DYNC1H1: variants seen among roughly 807,000 people sequenced by gnomAD.
The protein encoded by DYNC1H1 is dynein cytoplasmic 1 heavy chain 1, also known as cytoplasmic dynein 1 heavy chain 1.
DYNC1H1 carries 51 observed loss-of-function variants against 527.1 expected under a neutral mutation model. The observed-to-expected ratio is 0.10, with a 90% CI of 0.08 to 0.12. DYNC1H1 has a LOEUF of 0.12. Ranked by LOEUF, DYNC1H1 falls within the 10% of genes least tolerant of loss-of-function variation. DYNC1H1 has a pLI of 1.00. For synonymous variants in DYNC1H1, 2,189 were observed against 2,278.8 expected (o/e 0.96, Z 1.12); for missense variants, 2,771 against 5,971.8 (o/e 0.46, Z 17.66).
chr14:102,040,321 G>C lies in DYNC1H1; in HGVS notation c.11776G>C (p.Gly3926Arg), dbSNP rs879254035. 1.7e-5 allele frequency: 27 copies of C among 1,614,052 alleles called. No homozygotes were observed. The highest frequency in any genetic ancestry group is 2.2e-5 in the Non-Finnish European group (26 of 1,180,056). The change falls in exon 63 of 78, where the codon GGC (glycine) becomes CGC (arginine). Residue 3926 changes from glycine to arginine, a missense_variant. By Grantham distance (125) the Gly-to-Arg change is moderately radical (BLOSUM62 -2). Coordinates refer to ENST00000360184, the MANE Select transcript of DYNC1H1 (RefSeq NM_001376.5). ...LSAGSTPRIQ[G>R]LTVEQAEAVV... Reference sequence around the variant, plus strand: ...TGCTGGCTCCACCCCCAGGATCCAGGGCCTGACTGTGGAGCAGGCGGAGGC... The same window carrying C: ...TGCTGGCTCCACCCCCAGGATCCAGCGCCTGACTGTGGAGCAGGCGGAGGC...
rs1025955459 is a variant in DYNC1H1 at position 101,985,553 on chromosome 14, T to G, written c.1462-134T>G. 2 of 875,930 alleles carry G rather than the reference T, an allele frequency of 2.3e-6. No homozygotes were observed. The highest frequency in any genetic ancestry group is 3.3e-5 in the African/African-American group (2 of 60,122). The allele number at this position is 875,930 out of a possible 1,614,324, so 54.3% of individuals were successfully genotyped here. A position where few individuals can be genotyped will look rare whatever the true frequency, so the allele number is the denominator to read the frequency against. On this transcript the variant is annotated intron_variant, in intron 7 of 77. Coordinates refer to ENST00000360184, the MANE Select transcript of DYNC1H1 (RefSeq NM_001376.5). This position sits in a 1 kb window ranked among gnomAD's most constrained non-coding sequence, Gnocchi z 5.9. ...GTTGGCCAGGCTGGTCTCGAACTCC[T>G]GACCTCATGATCCGCCTGCCTTGGC...
chr14:102,016,825 G>A lies in DYNC1H1; in HGVS notation c.7674G>A (p.Glu2558=). 6 of 1,614,084 alleles carry A rather than the reference G, an allele frequency of 3.7e-6. No individual in the cohort carries two copies. Among genetic ancestry groups the A allele is most frequent in the Non-Finnish European group, 5.1e-6 (6 of 1,180,026 alleles). ...WQAKVPQIEV[E]THKVAAPDVV... ...CCAAGGTGCCTCAGATTGAAGTGGA[G>A]ACGCACAAGGTGGCAGCCCCTGATG... Residue 2558 remains glutamate, a synonymous_variant, in exon 38 of 78, where the codon GAG becomes GAA. Coordinates refer to ENST00000360184, the MANE Select transcript of DYNC1H1 (RefSeq NM_001376.5). The surrounding 1 kb of genome is among the most constrained non-coding windows in gnomAD (Gnocchi z 7.3).
At position 102,000,089 on chromosome 14, in the gene DYNC1H1, A is replaced by T; in HGVS notation, c.3905A>T (p.Glu1302Val). 6.2e-7 allele frequency: 1 copy of T among 1,614,168 alleles called. No individual in the cohort carries two copies. Among genetic ancestry groups the T allele is most frequent in the Non-Finnish European group, 8.5e-7 (1 of 1,180,036 alleles). ...AGAGAGAAGTGTGCAAAGGCCAAGGAGGCGCTGGAATTGACAGATACTGGG... is the reference window on the plus strand; with the variant it reads ...AGAGAGAAGTGTGCAAAGGCCAAGGTGGCGCTGGAATTGACAGATACTGGG... ...DDREKCAKAK[E>V]ALELTDTGLL... The change falls in exon 17 of 78, where the codon GAG becomes GTG. Residue 1302 changes from glutamate (E) to valine (V), a missense_variant. Glu to Val is a moderately radical substitution (Grantham distance 121, BLOSUM62 -2). Transcript: ENST00000360184.
Position 102,049,415 on chromosome 14 carries a change from T to C in DYNC1H1, c.13373-25T>C. Reference sequence around the variant, plus strand: ...GGGGGAGTTGTGAGAGCTGACACCCTGGGCTCTGTGTGCCTTGGCTGCAGG... The same window carrying C: ...GGGGGAGTTGTGAGAGCTGACACCCCGGGCTCTGTGTGCCTTGGCTGCAGG... On this transcript the variant is annotated intron_variant, in intron 74 of 77. Coordinates refer to ENST00000360184, the MANE Select transcript of DYNC1H1 (RefSeq NM_001376.5). The surrounding 1 kb of genome is among the most constrained non-coding windows in gnomAD (Gnocchi z 5.5). 1.9e-6 allele frequency: 3 copies of C among 1,613,622 alleles called. No individual in the cohort carries two copies. Among genetic ancestry groups the C allele is most frequent in the Middle Eastern group, 3.5e-4 (2 of 5,690 alleles).
In DYNC1H1 at chr14:102,011,635, C is replaced by A; in HGVS notation, c.6619-240C>A. 1.9e-6 allele frequency: 1 copy of A among 535,308 alleles called. No individual in the cohort carries two copies. The highest frequency in any genetic ancestry group is 2.0e-5 in the South Asian group (1 of 49,414). 33.2% of individuals were successfully genotyped at this position (535,308 alleles called of 1,614,324 possible). On this transcript the variant is annotated intron_variant, in intron 32 of 77. Transcript: ENST00000360184. The surrounding 1 kb of genome is among the most constrained non-coding windows in gnomAD (Gnocchi z 5.3). ...AATCCATAGATAGGCGCTTGTAAAG[C>A]CAGCTACTTGGGAGAGTGAGGAAGG...
At position 102,049,360 on chromosome 14, in the gene DYNC1H1, T is replaced by C; in HGVS notation, c.13373-80T>C. The C allele has an allele frequency of 6.2e-7, 1 of 1,601,286 alleles. No homozygotes were observed. Among genetic ancestry groups the C allele is most frequent in the Non-Finnish European group, 8.5e-7 (1 of 1,177,032 alleles). ...CGCCTGTGTGGGCAGCCAGGATGCC[T>C]AGCACTTGCACATTTGTTCCATCTG... On this transcript the variant is annotated intron_variant, in intron 74 of 77. Coordinates refer to ENST00000360184, the MANE Select transcript of DYNC1H1 (RefSeq NM_001376.5). The surrounding 1 kb of genome is among the most constrained non-coding windows in gnomAD (Gnocchi z 5.5).
At chr14:102,021,241 G>A (rs949530354) in intron 42 of DYNC1H1, among the ~76,000 whole-genome samples, 1 of 152,086 alleles carries the variant, frequency 6.6e-6, no homozygotes, top group Non-Finnish European at 1.5e-5. Context: ...GCCAGGTGTG[G>A]TGACGTGTAC....
intron 1 of DYNC1H1, among the ~76,000 whole-genome samples, chr14:101,970,480 T>G (rs1257264118): frequency 1.7e-5 from 2 of 120,828 alleles, no homozygotes; most frequent in Non-Finnish European, 3.4e-5. Context: ...GTTGTTTTTT[T>G]TTTTTTTTTT....
Position 101,991,777 on chromosome 14 carries a change from T to C in DYNC1H1, c.3015+104T>C. On this transcript the variant is annotated intron_variant, in intron 11 of 77. Transcript: ENST00000360184. ...TTCTTTAGATAAGCTCTTGATGTTG[T>C]TTACAAACTCCAGACATCCCAGGGG... is the stretch of plus-strand genomic sequence containing the variant. 4 of 1,516,872 alleles carry C rather than the reference T, an allele frequency of 2.6e-6. No homozygotes were observed. The South Asian group carries it at 3.4e-5, about 13-fold the overall frequency. The allele number at this position is 1,516,872 out of a possible 1,614,324, so 94.0% of individuals were successfully genotyped here.
Position 102,040,465 on chromosome 14 carries a change from A to G in DYNC1H1, c.11865+55A>G. 5 of 1,613,446 alleles carry G rather than the reference A, an allele frequency of 3.1e-6. No individual in the cohort carries two copies. The South Asian group carries it at 4.4e-5, about 14-fold the overall frequency. On this transcript the variant is annotated intron_variant, in intron 63 of 77. Transcript: ENST00000360184. ...GTAAATGTTGGCCTTTTCCCAGGAA[A>G]TGTAAGGAATTGCATGTGGTATAAA...
chr14:102,027,893 G>T lies in DYNC1H1; in HGVS notation c.9264-44G>T. ...AGTCGGTGTCCTTCCAAGGGACAAA[G>T]CCTGCCCCTCATAGCTGTCCTGAAA... On this transcript the variant is annotated intron_variant, in intron 47 of 77. Transcript: ENST00000360184. This position sits in a 1 kb window ranked among gnomAD's most constrained non-coding sequence, Gnocchi z 7.7. 1 of 1,614,168 alleles carries T rather than the reference G, an allele frequency of 6.2e-7. No individual in the cohort carries two copies. Among genetic ancestry groups the T allele is most frequent in the Non-Finnish European group, 8.5e-7 (1 of 1,180,012 alleles).
rs1436501764 is a variant in DYNC1H1 at position 102,049,546 on chromosome 14, A to G, written c.13479A>G (p.Ser4493=). Residue 4493 remains serine, a synonymous_variant, in exon 75 of 78, where the codon TCA becomes TCG. Transcript: ENST00000360184. The surrounding 1 kb of genome is among the most constrained non-coding windows in gnomAD (Gnocchi z 5.5). ...GGATCAAACAGCTGCAGAACATCTCACTGGCAGCTGCATCTGGTGGCGCCA... is the reference window on the plus strand; with the variant it reads ...GGATCAAACAGCTGCAGAACATCTCGCTGGCAGCTGCATCTGGTGGCGCCA... ...SERIKQLQNI[S]LAAASGGAKE... is the part of the protein sequence containing the mutation. The G allele has an allele frequency of 2.5e-6, 4 of 1,613,746 alleles. No individual in the cohort carries two copies.
chr14:102,011,777 A>G lies in DYNC1H1; in HGVS notation c.6619-98A>G. 7.5e-7 allele frequency: 1 copy of G among 1,334,322 alleles called. No homozygotes were observed. Among genetic ancestry groups the G allele is most frequent in the South Asian group, 1.2e-5 (1 of 82,936 alleles). The allele number at this position is 1,334,322 out of a possible 1,614,324, so 82.7% of individuals were successfully genotyped here. ...AGGAAAAAAAAAAAAATCCACACAT[A>G]ATGTTTCTTGCTCACTTTCACAAGA... On this transcript the variant is annotated intron_variant, in intron 32 of 77. Transcript: ENST00000360184. This position sits in a 1 kb window ranked among gnomAD's most constrained non-coding sequence, Gnocchi z 5.3.
chr14:101,979,147 C>T lies in DYNC1H1; in HGVS notation c.345-172C>T, dbSNP rs994154692. ...CTTTGCCTGGTTTCATGTTTGTTCA[C>T]ATTCTGTAACCATAACCTTGATTCA... On this transcript the variant is annotated intron_variant, in intron 2 of 77. Transcript: ENST00000360184. This position sits in a 1 kb window ranked among gnomAD's most constrained non-coding sequence, Gnocchi z 4.6. Among the ~76,000 whole-genome samples the T allele has an allele frequency of 6.6e-6, 1 of 152,190 alleles. No individual in the cohort carries two copies. Among genetic ancestry groups the T allele is most frequent in the African/African-American group, 2.4e-5 (1 of 41,454 alleles).
At chr14:101,973,538 C>T (rs904574177) in intron 1 of DYNC1H1, among the ~76,000 whole-genome samples, 1 of 152,206 alleles carries the variant, frequency 6.6e-6, no homozygotes, top group African/African-American at 2.4e-5. Flanking sequence ...AGGGGTTGGG[C>T]GCAATGACTC....
chr14:102,036,416 G>A lies in DYNC1H1; in HGVS notation c.10755-73G>A. 6.3e-7 allele frequency: 1 copy of A among 1,598,952 alleles called. No individual in the cohort carries two copies. The highest frequency in any genetic ancestry group is 8.6e-7 in the Non-Finnish European group (1 of 1,169,404). On this transcript the variant is annotated intron_variant, in intron 56 of 77. Coordinates refer to ENST00000360184, the MANE Select transcript of DYNC1H1 (RefSeq NM_001376.5). This position sits in a 1 kb window ranked among gnomAD's most constrained non-coding sequence, Gnocchi z 5.6. ...CTATCAATCAGGGTCTCTCATCAGG[G>A]ACTCGGCTAACCGTGATCCTGTGCT...
rs2048529210 is a variant in DYNC1H1, at chr14:102,033,109, C to T, written c.10124C>T (p.Pro3375Leu). Reference sequence around the variant, plus strand: ...ATGAAGAAAAATTACATGTCCAATCCAAGTTACAATTATGAAATTGTGAAT... The same window carrying T: ...ATGAAGAAAAATTACATGTCCAATCTAAGTTACAATTATGAAATTGTGAAT... ...EKMKKNYMSN[P>L]SYNYEIVNRA... Residue 3375 changes from proline (P) to leucine (L), a missense_variant, in exon 53 of 78, where the codon CCA becomes CTA. Coordinates refer to ENST00000360184, the MANE Select transcript of DYNC1H1 (RefSeq NM_001376.5). This position sits in a 1 kb window ranked among gnomAD's most constrained non-coding sequence, Gnocchi z 5.6. 1 of 1,614,184 alleles carries T rather than the reference C, an allele frequency of 6.2e-7. No homozygotes were observed. Among genetic ancestry groups the T allele is most frequent in the South Asian group, 1.1e-5 (1 of 91,082 alleles).
chr14:102,046,772 G>A (rs1454066650), intron 72 of DYNC1H1, among the ~76,000 whole-genome samples: 1 of 151,508 alleles, frequency 6.6e-6, no homozygotes, highest in Non-Finnish European at 1.5e-5. Flanking sequence ...CCTTCCTTGA[G>A]TCTTTGGACT....
rs527553461 is a variant in DYNC1H1, at chr14:102,056,027, G to A, written c.*5464G>A. On this transcript the variant is annotated 3_prime_UTR_variant, in exon 78 of 78. Coordinates refer to ENST00000360184, the MANE Select transcript of DYNC1H1 (RefSeq NM_001376.5). ...AGCCTCAGGAGGTCCTGACTGGGGG[G>A]AGAGAGACCCTCTCATATTGTTTTA... 1 of 152,208 alleles carries A rather than the reference G, an allele frequency of 6.6e-6. No individual in the cohort carries two copies. The highest frequency in any genetic ancestry group is 1.5e-5 in the Non-Finnish European group (1 of 68,040). 9.4% of individuals were successfully genotyped at this position (152,208 alleles called of 1,614,324 possible). A position where few individuals can be genotyped will look rare whatever the true frequency, so the allele number is the denominator to read the frequency against.
Sources: gnomAD v4.1 joint callset for allele counts (sites outside exome capture counted in the v4.1 genomes callset) on GRCh38, gnomAD v4.1.1 for gene constraint, Gnocchi (gnomAD v3.1) non-coding constraint, MANE v1.5 for transcripts, NCBI Gene and HGNC (gene_info 2026-07-23, HGNC 2026-07-21) for gene names.